The following EXOC6B variants were observed in gnomAD, a reference collection of about 807,000 sequenced individuals.
The protein encoded by EXOC6B is exocyst complex component 6B, also known as SEC15 homolog B.
In EXOC6B, 54 loss-of-function variants were observed where a neutral mutation model predicts 113.5. The ratio of observed to expected loss-of-function variants is 0.48; its 90% CI spans 0.38 to 0.60. The LOEUF (loss-of-function observed/expected upper bound fraction) is 0.60. EXOC6B is among the 20% of genes least tolerant of loss of function. The pLI is 0.00. For synonymous variants in EXOC6B, 357 were observed against 339.0 expected (o/e 1.05, Z -0.58); for missense variants, 797 against 977.5 (o/e 0.82, Z 2.46).
intron 6 of EXOC6B, among the ~76,000 whole-genome samples, chr2:72,646,172 C>A (rs1673695152): frequency 6.6e-6 from 1 of 152,250 alleles, no homozygotes; most frequent in Non-Finnish European, 1.5e-5. Context: ...CACCTCTACG[C>A]AGATAAACTA....
At chr2:72,763,399 C>T (rs1269455910) in intron 1 of EXOC6B, among the ~76,000 whole-genome samples, 1 of 151,108 alleles carries the variant, frequency 6.6e-6, no homozygotes, top group Non-Finnish European at 1.5e-5. Context: ...TCCTGTTTTC[C>T]AGAGAAAGTC....
chr2:72,408,933 T>A (rs993370601), intron 18 of EXOC6B, among the ~76,000 whole-genome samples: 7 of 152,024 alleles, frequency 4.6e-5, no homozygotes, highest in Admixed American at 1.3e-4. Context: ...ACAGGCAACC[T>A]ACAAAATGGG....
chr2:72,517,998 C>T (rs1701300722), intron 8 of EXOC6B, among the ~76,000 whole-genome samples: 1 of 152,124 alleles, frequency 6.6e-6, no homozygotes, highest in Non-Finnish European at 1.5e-5. Context: ...TCCTTAGTGG[C>T]TGCTAAATTC....
chr2:72,500,819 G>T (rs1027867697), intron 11 of EXOC6B, among the ~76,000 whole-genome samples: 7 of 151,932 alleles, frequency 4.6e-5, no homozygotes, highest in Non-Finnish European at 8.8e-5. Context: ...CTCTCTCATT[G>T]GTCTCTCAAG....
intron 20 of EXOC6B, among the ~76,000 whole-genome samples, chr2:72,312,235 G>T (rs1347248600): frequency 6.6e-6 from 1 of 151,838 alleles, no homozygotes; most frequent in Non-Finnish European, 1.5e-5. Flanking sequence ...TCCATTACTG[G>T]CAGGCAAGGT....
At chr2:72,824,825 T>C (rs1686802357) in intron 1 of EXOC6B, among the ~76,000 whole-genome samples, 1 of 152,122 alleles carries the variant, frequency 6.6e-6, no homozygotes, top group African/African-American at 2.4e-5. Context: ...CAACAGTAAG[T>C]ACAGGTAGCC....
chr2:72,599,532 T>C (rs562329292), intron 6 of EXOC6B, among the ~76,000 whole-genome samples: 1 of 152,256 alleles, frequency 6.6e-6, no homozygotes, highest in African/African-American at 2.4e-5. Flanking sequence ...CAACATCATA[T>C]TGGATGTCCT....
chr2:72,420,255 T>C (rs950133801), intron 18 of EXOC6B, among the ~76,000 whole-genome samples: 3 of 152,230 alleles, frequency 2.0e-5, no homozygotes, highest in Non-Finnish European at 4.4e-5. Flanking sequence ...ATTATTATTA[T>C]ACTTTAAGTT....
chr2:72,777,416 A>T (rs1683772208), intron 1 of EXOC6B, among the ~76,000 whole-genome samples: 1 of 152,048 alleles, frequency 6.6e-6, no homozygotes, highest in South Asian at 2.1e-4. Context: ...TTTTTATTTA[A>T]ATTTTTTAAA....
At chr2:72,310,158 A>G (rs1382380222) in intron 20 of EXOC6B, among the ~76,000 whole-genome samples, 1 of 152,158 alleles carries the variant, frequency 6.6e-6, no homozygotes, top group Admixed American at 6.5e-5. Context: ...ATGTCCAGGA[A>G]GGACATTCCT....
At chr2:72,667,350 T>C (rs908934488) in intron 6 of EXOC6B, among the ~76,000 whole-genome samples, 4 of 152,172 alleles carry the variant, frequency 2.6e-5, no homozygotes, top group African/African-American at 7.2e-5. Context: ...ACTAACATCA[T>C]TTTTCAAATA....
chr2:72,494,510 A>G (rs1333603578), intron 15 of EXOC6B, among the ~76,000 whole-genome samples: 1 of 152,204 alleles, frequency 6.6e-6, no homozygotes, highest in Non-Finnish European at 1.5e-5. Context: ...TAGTTAACAA[A>G]GAAGTGACTC....
At chr2:72,558,053 T>A (rs116615658) in intron 8 of EXOC6B, among the ~76,000 whole-genome samples, 1,725 of 151,484 alleles carry the variant, frequency 0.011, 46 homozygotes, top group African/African-American at 0.04. Flanking sequence ...AAAAAAAGAA[T>A]GTCTTCTGAG....
At chr2:72,583,026 A>C (rs539929947) in intron 6 of EXOC6B, among the ~76,000 whole-genome samples, 11 of 152,240 alleles carry the variant, frequency 7.2e-5, no homozygotes, top group African/African-American at 2.7e-4. Context: ...AGCTTCTGGA[A>C]TTGACAAACT....
At chr2:72,580,068 C>G (rs1054659169) in intron 6 of EXOC6B, among the ~76,000 whole-genome samples, 1 of 149,458 alleles carries the variant, frequency 6.7e-6, no homozygotes, top group East Asian at 1.9e-4. Context: ...AACAAACAAA[C>G]AACAACAACA....
chr2:72,756,099 G>A (rs770762848), intron 1 of EXOC6B, among the ~76,000 whole-genome samples: 15 of 152,002 alleles, frequency 9.9e-5, no homozygotes, highest in Admixed American at 1.3e-4. Context: ...GTGTTGGGGC[G>A]GGGGTTGTCA....
intron 8 of EXOC6B, among the ~76,000 whole-genome samples, chr2:72,556,214 G>A (rs1573386045): frequency 6.6e-6 from 1 of 152,306 alleles, no homozygotes; most frequent in East Asian, 1.9e-4. Context: ...TGCTTGTTAT[G>A]AGACTTTTAG....
intron 17 of EXOC6B, among the ~76,000 whole-genome samples, chr2:72,466,393 G>A (rs1018678111): frequency 6.6e-6 from 1 of 151,326 alleles, no homozygotes; most frequent in African/African-American, 2.4e-5. Flanking sequence ...GTAGGTCCAG[G>A]TTGAGACTCA....
At chr2:72,612,369 A>C (rs1388298063) in intron 6 of EXOC6B, among the ~76,000 whole-genome samples, 1 of 152,102 alleles carries the variant, frequency 6.6e-6, no homozygotes, top group Admixed American at 6.5e-5. Flanking sequence ...TTCTCCTTTA[A>C]AGTTTGTATA....
Sources: allele counts gnomAD v4.1 joint callset (sites outside exome capture counted in the v4.1 genomes callset), GRCh38; gene constraint gnomAD v4.1.1; transcripts MANE v1.5; gene names NCBI Gene and HGNC (gene_info 2026-07-23, HGNC 2026-07-21).